The following C1orf21 variants were observed in gnomAD, a reference collection of about 807,000 sequenced individuals.
C1orf21 encodes chromosome 1 open reading frame 21, also known as uncharacterized protein C1orf21.
C1orf21 carries 3 observed loss-of-function variants against 18.7 expected under a neutral mutation model. The ratio of observed to expected loss-of-function variants is 0.16; its 90% CI spans 0.07 to 0.42. C1orf21 has a LOEUF of 0.42. C1orf21 is among the 10% of genes least tolerant of loss of function. C1orf21 has a pLI of 0.99. For synonymous variants in C1orf21, 41 were observed against 46.4 expected (o/e 0.88, Z 0.47); for missense variants, 104 against 143.6 (o/e 0.72, Z 1.41).
intron 1 of C1orf21, among the ~76,000 whole-genome samples, chr1:184,438,300 A>T (rs1459161765): frequency 6.8e-6 from 1 of 147,800 alleles, no homozygotes; most frequent in Admixed American, 6.7e-5. Context: ...AAAAATTTTC[A>T]TTCTCCAGTT....
chr1:184,393,158 C>T (rs1655999786), intron 1 of C1orf21, among the ~76,000 whole-genome samples: 1 of 152,118 alleles, frequency 6.6e-6, no homozygotes, highest in Non-Finnish European at 1.5e-5. Flanking sequence ...TTACTTTTGC[C>T]TGCAAGACTT....
At chr1:184,513,078 C>T (rs1252958567) in intron 3 of C1orf21, among the ~76,000 whole-genome samples, 1 of 152,144 alleles carries the variant, frequency 6.6e-6, no homozygotes, top group Non-Finnish European at 1.5e-5. Context: ...AGTTTCATTC[C>T]AAAGCTCCAC....
intron 1 of C1orf21, among the ~76,000 whole-genome samples, chr1:184,407,333 C>T (rs561522201): frequency 1.3e-5 from 2 of 151,318 alleles, no homozygotes; most frequent in South Asian, 4.2e-4. Flanking sequence ...CTAACTGTGG[C>T]TAAAACATTT....
rs148701496 is a variant in C1orf21, at chr1:184,494,549, G to T, written c.95-13039G>T. On this transcript the variant is annotated intron_variant, in intron 2 of 5. Transcript: ENST00000235307. ...TATGAATGGAGATAATGAGATATGG[G>T]CGGGCTTGGGATATTGGGGAATGAT... 2.9e-3 allele frequency among the ~76,000 whole-genome samples: 434 copies of T among 152,240 alleles called. 18 individuals are homozygous for T. In the East Asian group the frequency reaches 0.064, roughly 22 times the overall value.
intron 1 of C1orf21, among the ~76,000 whole-genome samples, chr1:184,470,870 CTCTT>C (rs995312033): frequency 4.0e-5 from 6 of 148,634 alleles, no homozygotes; most frequent in African/African-American, 1.5e-4. Flanking sequence ...CAGAGTAAGA[CTCTT>C]TCTCAAAAAA....
chr1:184,587,575 A>T (rs1312621651), intron 3 of C1orf21, among the ~76,000 whole-genome samples: 1 of 135,772 alleles, frequency 7.4e-6, no homozygotes, highest in African/African-American at 2.7e-5. Flanking sequence ...TGTGTAGTGA[A>T]TGGGACTGCA....
chr1:184,580,010 T>TTGAAGCC lies in C1orf21; in HGVS notation c.190-10728_190-10727insGAAGCCT, dbSNP rs1338200744. Among the ~76,000 whole-genome samples, 6 of 152,282 alleles carry TTGAAGCC rather than the reference T, an allele frequency of 3.9e-5. No homozygotes were observed. In the South Asian group the frequency reaches 1.0e-3, roughly 26 times the overall value. On this transcript the variant is annotated intron_variant, in intron 3 of 5. Coordinates refer to ENST00000235307, the MANE Select transcript of C1orf21 (RefSeq NM_030806.4). ...GTGGAGAAGGACTCTCTGGTGAAGC[T>TTGAAGCC]TTCTGGGGCATTTTTCTCCAAAAGT...
chr1:184,389,455 C>T (rs1317656472), intron 1 of C1orf21, among the ~76,000 whole-genome samples: 2 of 152,228 alleles, frequency 1.3e-5, no homozygotes, highest in Admixed American at 6.5e-5. Flanking sequence ...CTTGGCTAGA[C>T]ATTTATCCCT....
intron 2 of C1orf21, among the ~76,000 whole-genome samples, chr1:184,501,445 A>G (rs886486627): frequency 6.6e-6 from 1 of 152,114 alleles, no homozygotes; most frequent in African/African-American, 2.4e-5. Flanking sequence ...ACGTCCTCCA[A>G]GACTCCGCTT....
chr1:184,618,161 C>T (rs557482967), intron 5 of C1orf21, among the ~76,000 whole-genome samples: 11 of 152,208 alleles, frequency 7.2e-5, no homozygotes, highest in South Asian at 2.1e-4. Context: ...CCACCTGCCT[C>T]GGCCTCCCAA....
At chr1:184,420,592 T>C (rs1409028522) in intron 1 of C1orf21, among the ~76,000 whole-genome samples, 2 of 152,200 alleles carry the variant, frequency 1.3e-5, no homozygotes. Flanking sequence ...TAGGCTTGCC[T>C]TACTATGAGG....
At position 184,625,202 on chromosome 1, in the gene C1orf21, TTGAG is replaced by T. The variant is rs1212432157; in HGVS notation, c.*5648_*5651del. ...TTTTAGCCCAAGGCTTTGAATTTGATTGAGTAAGACTTAGAGGCAGTATAAAGAA... is the reference window on the plus strand; with the variant it reads ...TTTTAGCCCAAGGCTTTGAATTTGATTAAGACTTAGAGGCAGTATAAAGAA... On this transcript the variant is annotated 3_prime_UTR_variant, in exon 6 of 6. Transcript: ENST00000235307. 4 of 152,254 alleles carry T rather than the reference TTGAG, an allele frequency of 2.6e-5. No homozygotes were observed. The highest frequency in any genetic ancestry group is 7.2e-5 in the African/African-American group (3 of 41,444). The allele number at this position is 152,254 out of a possible 1,614,324, so 9.4% of individuals were successfully genotyped here.
intron 3 of C1orf21, among the ~76,000 whole-genome samples, chr1:184,570,817 T>C: frequency 6.6e-6 from 1 of 151,818 alleles, no homozygotes; most frequent in African/African-American, 2.4e-5. Context: ...CATCCTTAGG[T>C]GATTTTTGTC....
chr1:184,502,675 C>A (rs768469908), intron 2 of C1orf21, among the ~76,000 whole-genome samples: 3 of 152,094 alleles, frequency 2.0e-5, no homozygotes, highest in Non-Finnish European at 2.9e-5. Flanking sequence ...CTTTATACTT[C>A]CCCTCGTAGA....
intron 1 of C1orf21, among the ~76,000 whole-genome samples, chr1:184,464,378 G>A (rs1241625597): frequency 6.6e-6 from 1 of 152,210 alleles, no homozygotes; most frequent in Non-Finnish European, 1.5e-5. Flanking sequence ...TTTTTGGGAA[G>A]AACAGCTTAC....
chr1:184,540,416 G>A (rs1447083723), intron 3 of C1orf21, among the ~76,000 whole-genome samples: 1 of 151,722 alleles, frequency 6.6e-6, no homozygotes, highest in Non-Finnish European at 1.5e-5. Flanking sequence ...GTGGCTATAG[G>A]AGTTTTTTTT....
At chr1:184,588,283 A>G (rs749893423) in intron 3 of C1orf21, among the ~76,000 whole-genome samples, 52 of 152,268 alleles carry the variant, frequency 3.4e-4, no homozygotes, top group Non-Finnish European at 3.1e-4. Flanking sequence ...AACAAAATCT[A>G]TAAGTTTGGA....
At chr1:184,437,739 C>A (rs901060631) in intron 1 of C1orf21, among the ~76,000 whole-genome samples, 5 of 151,936 alleles carry the variant, frequency 3.3e-5, no homozygotes, top group Non-Finnish European at 7.4e-5. Flanking sequence ...CACTTTATTT[C>A]TATTATTATT....
chr1:184,459,526 T>G (rs1380555873), intron 1 of C1orf21, among the ~76,000 whole-genome samples: 1 of 152,238 alleles, frequency 6.6e-6, no homozygotes, highest in African/African-American at 2.4e-5. Context: ...CTGTACTGTA[T>G]GTGGATTTAG....
Sources: allele counts gnomAD v4.1 joint callset (sites outside exome capture counted in the v4.1 genomes callset), GRCh38; gene constraint gnomAD v4.1.1; transcripts MANE v1.5; gene names NCBI Gene and HGNC (gene_info 2026-07-23, HGNC 2026-07-21).